Variants in TAF1 observed in about 807,000 individuals in gnomAD.
The protein encoded by TAF1 is TATA-box binding protein associated factor 1, also known as transcription initiation factor TFIID subunit 1.
Under a neutral mutation model 138.5 loss-of-function variants are expected in TAF1, and 2 were observed. The observed-to-expected ratio is 0.01, with a 90% confidence interval of 0.01 to 0.05. TAF1 has a LOEUF of 0.05. Among genes scored for constraint, TAF1 ranks in the 10% least tolerant of loss-of-function variants. The pLI is 1.00. For missense variants in TAF1, 709 were observed against 1,478.0 expected, an observed-to-expected ratio of 0.48 and a Z score of 8.53; for synonymous variants, 437 against 503.2, an observed-to-expected ratio of 0.87 and a Z score of 1.76.
At chrX:71,504,770 A>AAAAG (rs2039590619) in intron 13 of TAF1, among the ~76,000 whole-genome samples, 1 of 102,027 alleles carries the variant, frequency 9.8e-6, no homozygotes, top group African/African-American at 3.6e-5. Context: ...AAAAAAAAAA[A>AAAAG]AAAGAAAAGA....
chrX:71,460,544 A>C (rs2038506016), intron 36 of TAF1, 82 bp from the exon 37 acceptor site: 1 of 1,078,910 alleles, frequency 9.3e-7, no homozygotes, highest in East Asian at 3.1e-5. Flanking sequence ...GAGAGTTACT[A>C]GTTTGGGAAG....
chrX:71,471,346 T>TACACAC (rs1189459686), intron 13 of TAF1, among the ~76,000 whole-genome samples: 6 of 95,660 alleles, frequency 6.3e-5, no homozygotes, highest in African/African-American at 1.9e-4. Flanking sequence ...TATATATATA[T>TACACAC]ACACACACAC....
chrX:71,524,732 G>A (rs1388365186), intron 13 of TAF1, among the ~76,000 whole-genome samples: 4 of 109,387 alleles, frequency 3.7e-5, no homozygotes, highest in Non-Finnish European at 7.6e-5. Context: ...CACGAGGTCA[G>A]GAATTCAAGA....
In TAF1 at chrX:71,428,816, A is replaced by G. The variant is rs190505177; in HGVS notation, c.4753+4578A>G. Among the ~76,000 whole-genome samples, 177 of 112,036 alleles carry G rather than the reference A, an allele frequency of 1.6e-3. 1 individual carries two copies. Among genetic ancestry groups the G allele is most frequent in the Middle Eastern group, 9.2e-3 (2 of 218 alleles). On this transcript the variant is annotated intron_variant, in intron 32 of 37. Transcript: ENST00000423759. Reference sequence around the variant, plus strand: ...TAAGTGAGAAAAGCAGAGCACAAAGATGTTTATTTTATCTCAGTCATGCTT... The same window carrying G: ...TAAGTGAGAAAAGCAGAGCACAAAGGTGTTTATTTTATCTCAGTCATGCTT...
intron 13 of TAF1, among the ~76,000 whole-genome samples, chrX:71,508,086 C>CTCTCTCTCTCTCTATATATATATATATA (rs4040068): frequency 2.2e-5 from 2 of 92,199 alleles, no homozygotes; most frequent in Non-Finnish European, 4.2e-5. Flanking sequence ...CTCTCTCTCT[C>CTCTCTCTCTCTCTATATATATATATATA]TATATATATA....
intron 9 of TAF1, 115 bp from the exon 10 acceptor site, chrX:71,382,421 A>G (rs2033954430): frequency 1.0e-6 from 1 of 1,004,794 alleles, no homozygotes; most frequent in Admixed American, 3.1e-5. Context: ...TGAAAGGTCT[A>G]GTTAAGACCT....
chrX:71,392,831 G>A (rs756507805), intron 19 of TAF1, 44 bp from the exon 20 acceptor site: 1 of 1,206,356 alleles, frequency 8.3e-7, no homozygotes, highest in South Asian at 1.8e-5. Context: ...TACTTAAAAG[G>A]AATTCAGGTT....
Position 71,392,994 on chromosome X carries a change from G to A in TAF1, c.3051G>A (p.Glu1017=), listed in dbSNP as rs2034644571. ...LLRKFGVPEE[E]IKKLSRWEVI... The stretch of plus-strand genomic sequence containing the variant: ...GTAAATTTGGTGTGCCTGAGGAAGA[G>A]GTGAGTGTGGAAGTGGAAAATTTAG... The change falls in exon 20 of 38, where the codon GAG becomes GAA. Residue 1017 remains glutamate (E), a splice_region_variant and synonymous_variant. Transcript: ENST00000423759. The A allele has an allele frequency of 8.3e-7, 1 of 1,209,233 alleles. No individual in the cohort carries two copies. Among genetic ancestry groups the A allele is most frequent in the Non-Finnish European group, 1.1e-6 (1 of 895,114 alleles).
At chrX:71,379,666 A>G (rs1487421992) in intron 8 of TAF1, among the ~76,000 whole-genome samples, 1 of 101,809 alleles carries the variant, frequency 9.8e-6, no homozygotes, top group Non-Finnish European at 2.0e-5. Flanking sequence ...GTAGTGGCGC[A>G]ATCTCAGCTC....
intron 32 of TAF1, among the ~76,000 whole-genome samples, chrX:71,431,003 A>ATTTTTT (rs41481947): frequency 1.5e-5 from 1 of 68,600 alleles, no homozygotes; most frequent in Non-Finnish European, 2.6e-5. Flanking sequence ...GCTCAGAAGA[A>ATTTTTT]TTTTTTTTTT....
intron 29 of TAF1, among the ~76,000 whole-genome samples, chrX:71,421,919 C>T (rs909279840): frequency 1.8e-5 from 2 of 112,185 alleles, no homozygotes; most frequent in African/African-American, 6.5e-5. Flanking sequence ...AGATTCTCAA[C>T]TTGATTGATT....
At chrX:71,403,123 G>A (rs1303628503) in intron 25 of TAF1, among the ~76,000 whole-genome samples, 1 of 110,074 alleles carries the variant, frequency 9.1e-6, no homozygotes, top group Non-Finnish European at 1.9e-5. Flanking sequence ...GCGCCTCCCA[G>A]GTTTAAGTTA....
At chrX:71,499,027 GCC>G (rs1415248778) in intron 13 of TAF1, among the ~76,000 whole-genome samples, 1 of 111,562 alleles carries the variant, frequency 9.0e-6, no homozygotes, top group Non-Finnish European at 1.9e-5. Context: ...GCTGGCGTTT[GCC>G]CCAGGCACCC....
At chrX:71,452,614 C>G (rs951406889) in intron 32 of TAF1, among the ~76,000 whole-genome samples, 1 of 106,827 alleles carries the variant, frequency 9.4e-6, no homozygotes, top group Non-Finnish European at 1.9e-5. Context: ...AGATCCCAGA[C>G]GATGGGCGGC....
intron 13 of TAF1, among the ~76,000 whole-genome samples, chrX:71,507,493 T>C (rs1473978282): frequency 8.9e-6 from 1 of 112,017 alleles, no homozygotes; most frequent in Non-Finnish European, 1.9e-5. Context: ...GGACCCCAGA[T>C]TGCTGGGATT....
chrX:71,481,809 G>A (rs764176636), intron 13 of TAF1, among the ~76,000 whole-genome samples: 2 of 111,799 alleles, frequency 1.8e-5, no homozygotes, highest in East Asian at 2.8e-4. Flanking sequence ...CGCCTGCCTC[G>A]GCCTCCCAAA....
intron 34 of TAF1, 78 bp from the exon 35 acceptor site, chrX:71,458,163 A>G: frequency 9.0e-7 from 1 of 1,105,559 alleles, no homozygotes. Flanking sequence ...TTTCTCCAGT[A>G]AATGCCTTAA....
chrX:71,399,825 C>T (rs992573520), intron 24 of TAF1, among the ~76,000 whole-genome samples: 17 of 109,780 alleles, frequency 1.5e-4, no homozygotes, highest in African/African-American at 3.0e-4. Context: ...TCCACCTTCC[C>T]GTTTCAAGCG....
intron 28 of TAF1, among the ~76,000 whole-genome samples, chrX:71,420,759 G>T (rs896603201): frequency 8.9e-6 from 1 of 112,938 alleles, no homozygotes; most frequent in Non-Finnish European, 1.9e-5. Flanking sequence ...CCGTGGGGGT[G>T]GGGGGCGCAA....
Sources: gnomAD v4.1 joint callset for allele counts (sites outside exome capture counted in the v4.1 genomes callset) on GRCh38, gnomAD v4.1.1 for gene constraint, MANE v1.5 for transcripts, NCBI Gene and HGNC (gene_info 2026-07-23, HGNC 2026-07-21) for gene names.